Variants in CD55 observed in about 807,000 individuals in gnomAD.
The protein encoded by CD55 is CD55 molecule (Cromer blood group), also known as complement decay-accelerating factor.
In CD55, 41 loss-of-function variants were observed where a neutral mutation model predicts 45.8. The ratio of observed to expected loss-of-function variants is 0.90; its 90% confidence interval spans 0.70 to 1.16. CD55 has a LOEUF of 1.16. Among genes scored for constraint, CD55 ranks in the 50% most tolerant of loss-of-function variants. CD55 has a pLI of 0.00. For missense variants in CD55, 416 were observed against 469.8 expected (o/e 0.89, Z 1.06); for synonymous variants, 181 against 181.1 (o/e 1.00, Z 0.01).
At chr1:207,350,622 G>A (rs915026155) in intron 9 of CD55, among the ~76,000 whole-genome samples, 51 of 152,082 alleles carry the variant, frequency 3.4e-4, no homozygotes, top group Middle Eastern at 6.8e-3. Flanking sequence ...TTTCTTCTAC[G>A]TTTTCTAGTT....
intron 6 of CD55, among the ~76,000 whole-genome samples, chr1:207,332,867 ACCC>A (rs1428209875): frequency 6.6e-6 from 1 of 152,156 alleles, no homozygotes; most frequent in Non-Finnish European, 1.5e-5. Context: ...GGTGAAGGCA[ACCC>A]ATCCTGATGT....
intron 9 of CD55, among the ~76,000 whole-genome samples, chr1:207,359,236 T>A (rs1170152548): frequency 6.6e-6 from 1 of 152,066 alleles, no homozygotes; most frequent in Admixed American, 6.5e-5. Context: ...TATATTTTTT[T>A]AACATCTCCC....
At chr1:207,358,326 T>C (rs1308443632) in intron 9 of CD55, among the ~76,000 whole-genome samples, 2 of 152,214 alleles carry the variant, frequency 1.3e-5, no homozygotes, top group African/African-American at 2.4e-5. Context: ...CAAGTGATAA[T>C]GTGGTTTCAT....
chr1:207,324,921 G>A (rs936026454), intron 3 of CD55, among the ~76,000 whole-genome samples, 171 bp downstream of exon 3: 1 of 152,092 alleles, frequency 6.6e-6, no homozygotes, highest in African/African-American at 2.4e-5. Flanking sequence ...TATGTGGTAG[G>A]AATACTTATT....
chr1:207,343,339 T>C (rs1202761088), intron 9 of CD55, among the ~76,000 whole-genome samples: 6 of 152,168 alleles, frequency 3.9e-5, no homozygotes, highest in African/African-American at 1.4e-4. Context: ...CTGTTAGCAC[T>C]GCTTTTGCTA....
chr1:207,345,205 A>G (rs944282348), intron 9 of CD55, among the ~76,000 whole-genome samples: 6 of 152,098 alleles, frequency 3.9e-5, no homozygotes, highest in Admixed American at 1.3e-4. Context: ...AGGGTGTCCC[A>G]TATGTCATGT....
chr1:207,324,834 A>ATG, intron 3 of CD55, 84 bp downstream of exon 3: 3 of 722,660 alleles, frequency 4.2e-6, no homozygotes, highest in Non-Finnish European at 6.8e-6. Context: ...CTAGAACTCT[A>ATG]TGTGTATATA....
At chr1:207,330,796 T>A (rs1292906265) in intron 5 of CD55, among the ~76,000 whole-genome samples, 3 of 152,208 alleles carry the variant, frequency 2.0e-5, no homozygotes, top group Admixed American at 6.5e-5. Context: ...CAGCATTCAC[T>A]TTTCCTAGCA....
chr1:207,331,119 C>G lies in CD55; in HGVS notation c.676C>G (p.Pro226Ala), dbSNP rs754100066. The change falls in exon 6 of 10, where the codon CCA becomes GCA. Residue 226 changes from proline to alanine, a missense_variant. This residue lies in a region of CD55 where 182 missense variants were observed against 201.4 expected (regional missense o/e 0.90). Transcript: ENST00000367064. Reference sequence around the variant, plus strand: ...AATTGTTTTTTAAGAAATTTATTGTCCAGCACCACCACAAATTGACAATGG... The same window carrying G: ...AATTGTTTTTTAAGAAATTTATTGTGCAGCACCACCACAAATTGACAATGG... Reference protein sequence around the residue: ...PLPECREIYCPAPPQIDNGII... With the variant: ...PLPECREIYCAAPPQIDNGII... 1.1e-5 allele frequency: 18 copies of G among 1,610,340 alleles called. No individual in the cohort carries two copies. Among genetic ancestry groups the G allele is most frequent in the Non-Finnish European group, 1.4e-5 (17 of 1,177,948 alleles).
intron 5 of CD55, 79 bp from the exon 6 acceptor site, chr1:207,331,029 T>C (rs920602289): frequency 5.7e-6 from 6 of 1,050,368 alleles, no homozygotes; most frequent in Admixed American, 4.7e-5. Flanking sequence ...AAATATAATC[T>C]TTAACATGTT....
chr1:207,352,373 C>T (rs1655899919), intron 9 of CD55, among the ~76,000 whole-genome samples: 1 of 151,986 alleles, frequency 6.6e-6, no homozygotes, highest in Non-Finnish European at 1.5e-5. Context: ...TATATCTGCA[C>T]TCTGTACTTA....
chr1:207,352,678 G>C (rs1048871193), intron 9 of CD55, among the ~76,000 whole-genome samples: 2 of 152,056 alleles, frequency 1.3e-5, no homozygotes, highest in South Asian at 2.1e-4. Context: ...TGATTAGTGG[G>C]TATGAAAACT....
At position 207,321,944 on chromosome 1, in the gene CD55, G is replaced by A. The variant is rs1654426512; in HGVS notation, c.100+79G>A. 2.1e-5 allele frequency: 22 copies of A among 1,051,088 alleles called. No individual in the cohort carries two copies. In the South Asian group the frequency reaches 3.2e-4, roughly 15 times the overall value. 65.1% of individuals were successfully genotyped at this position (1,051,088 alleles called of 1,614,324 possible). A position where few individuals can be genotyped will look rare whatever the true frequency, so the allele number is the denominator to read the frequency against. ...GTCGGTCTCTGAGACACGCACAGGG[G>A]CCGGCGACTTGGCAGGTGGGGAGCT... On this transcript the variant is annotated intron_variant, in intron 1 of 9. Transcript: ENST00000367064.
chr1:207,356,290 C>G (rs887217845), intron 9 of CD55, among the ~76,000 whole-genome samples: 26 of 152,174 alleles, frequency 1.7e-4, no homozygotes, highest in African/African-American at 6.0e-4. Context: ...CAGTAGATGA[C>G]TCTCTTAGCT....
At chr1:207,336,907 A>G (rs891320257) in intron 7 of CD55, 89 bp downstream of exon 7, 3 of 1,449,022 alleles carry the variant, frequency 2.1e-6, no homozygotes, top group Non-Finnish European at 2.9e-6. Flanking sequence ...AACCCACCAC[A>G]GTAAATGTCC....
chr1:207,326,860 A>G (rs758918365), intron 5 of CD55, 23 bp downstream of exon 5: 2 of 1,531,912 alleles, frequency 1.3e-6, no homozygotes, highest in South Asian at 2.3e-5. Context: ...AAATCTAAGC[A>G]CTCAGATTGT....
chr1:207,342,966 T>G (rs527789625), intron 9 of CD55, among the ~76,000 whole-genome samples: 37 of 152,302 alleles, frequency 2.4e-4, no homozygotes, highest in African/African-American at 8.7e-4. Flanking sequence ...TCCTCTAGGT[T>G]TTCCAGTTTG....
intron 1 of CD55, 138 bp from the exon 2 acceptor site, chr1:207,322,244 C>T (rs1046099976): frequency 3.8e-6 from 3 of 784,608 alleles, no homozygotes; most frequent in Admixed American, 1.9e-5. Context: ...AGAGTCCAGC[C>T]GTGTGGAGCA....
chr1:207,343,378 C>G (rs561253123), intron 9 of CD55, among the ~76,000 whole-genome samples: 4 of 152,154 alleles, frequency 2.6e-5, no homozygotes, highest in Non-Finnish European at 1.5e-5. Flanking sequence ...ACACTGTTGC[C>G]ATTTCTATTT....
Sources: allele counts gnomAD v4.1 joint callset (sites outside exome capture counted in the v4.1 genomes callset), GRCh38; gene constraint gnomAD v4.1.1; regional missense constraint gnomAD v4.1.1; transcripts MANE v1.5; gene names NCBI Gene and HGNC (gene_info 2026-07-23, HGNC 2026-07-21).